The following PHLDB2 variants were observed in gnomAD, a reference collection of about 807,000 sequenced individuals.
PHLDB2 encodes pleckstrin homology like domain family B member 2.
A neutral mutation model predicts 123.6 loss-of-function variants in PHLDB2; 71 were observed. The observed-to-expected ratio is 0.57, with a 90% CI of 0.47 to 0.70. The LOEUF (loss-of-function observed/expected upper bound fraction) is 0.70. Among genes scored for constraint, PHLDB2 ranks in the 30% least tolerant of loss-of-function variants. The pLI is 0.00. For missense variants in PHLDB2, 1,446 were observed against 1,519.5 expected, an observed-to-expected ratio of 0.95 and a Z score of 0.80; for synonymous variants, 547 against 541.6, an observed-to-expected ratio of 1.01 and a Z score of -0.14.
At chr3:111,919,325 C>T (rs747220215) in intron 4 of PHLDB2, 110 bp downstream of exon 4, 4 of 1,117,106 alleles carry the variant, frequency 3.6e-6, no homozygotes, top group Non-Finnish European at 5.3e-6. Context: ...TCAACACAAG[C>T]AAACATTTAT....
chr3:111,937,717 A>C (rs2069587451), intron 6 of PHLDB2, among the ~76,000 whole-genome samples: 1 of 151,882 alleles, frequency 6.6e-6, no homozygotes, highest in African/African-American at 2.4e-5. Flanking sequence ...TCGAGGGTGC[A>C]GTAAGCTGTG....
chr3:111,781,569 G>T (rs1203835249), intron 1 of PHLDB2, among the ~76,000 whole-genome samples: 2 of 152,016 alleles, frequency 1.3e-5, no homozygotes, highest in Admixed American at 6.6e-5. Context: ...AGGATTCTTT[G>T]TTCTACCTTC....
At chr3:111,888,593 T>TA (rs2066307078) in intron 2 of PHLDB2, among the ~76,000 whole-genome samples, 1 of 152,204 alleles carries the variant, frequency 6.6e-6, no homozygotes, top group Admixed American at 6.5e-5. Context: ...CTCAGGAAGT[T>TA]ACACTTGTAA....
At chr3:111,881,022 C>CT (rs1177451423) in intron 1 of PHLDB2, among the ~76,000 whole-genome samples, 4 of 152,128 alleles carry the variant, frequency 2.6e-5, no homozygotes, top group Non-Finnish European at 5.9e-5. Flanking sequence ...TTTCTTGAAT[C>CT]TTATTAGAGT....
At chr3:111,965,581 T>C (rs142618398) in intron 13 of PHLDB2, among the ~76,000 whole-genome samples, 2 of 152,348 alleles carry the variant, frequency 1.3e-5, no homozygotes, top group East Asian at 1.9e-4. Context: ...CTAACAAACA[T>C]GTATCCCTAC....
chr3:111,924,585 C>CAGAAGGAGGAAGTGGCCTTT (rs539139433), intron 5 of PHLDB2, among the ~76,000 whole-genome samples: 211 of 152,370 alleles, frequency 1.4e-3, no homozygotes, highest in Non-Finnish European at 2.6e-3. Context: ...AAGCGTAAGA[C>CAGAAGGAGGAAGTGGCCTTT]AGAAGGAGGA....
chr3:111,802,229 C>G (rs957627258), intron 1 of PHLDB2, among the ~76,000 whole-genome samples: 1 of 152,220 alleles, frequency 6.6e-6, no homozygotes, highest in Non-Finnish European at 1.5e-5. Flanking sequence ...CCATGGAGCA[C>G]TGTGCTTACA....
intron 12 of PHLDB2, among the ~76,000 whole-genome samples, chr3:111,955,041 T>TACAC (rs200702766): frequency 1.3e-5 from 2 of 150,026 alleles, no homozygotes; most frequent in East Asian, 3.9e-4. Context: ...AATATATATA[T>TACAC]ACACACACAC....
At chr3:111,932,247 T>C in intron 5 of PHLDB2, 22 bp from the exon 6 acceptor site, 2 of 1,549,112 alleles carry the variant, frequency 1.3e-6, no homozygotes, top group South Asian at 2.4e-5. Flanking sequence ...TTCTATTCTA[T>C]TTTCTGGTTT....
At chr3:111,848,968 A>G (rs1213413385) in intron 2 of PHLDB2, among the ~76,000 whole-genome samples, 2 of 152,206 alleles carry the variant, frequency 1.3e-5, no homozygotes, top group African/African-American at 4.8e-5. Flanking sequence ...AGTGGACTCT[A>G]TGATGTTTGC....
chr3:111,752,357 G>T (rs2059795147), intron 1 of PHLDB2, among the ~76,000 whole-genome samples: 1 of 151,800 alleles, frequency 6.6e-6, no homozygotes, highest in Admixed American at 6.6e-5. Flanking sequence ...CTTTTTTAAT[G>T]GAATTTGTGA....
rs144798658 is a variant in PHLDB2, at chr3:111,794,844, G to A, written c.-48-50977G>A. Among the ~76,000 whole-genome samples, 413 of 152,266 alleles carry A rather than the reference G, an allele frequency of 2.7e-3. 3 individuals are homozygous for A. Among genetic ancestry groups the A allele is most frequent in the African/African-American group, 9.2e-3 (383 of 41,548 alleles). ...CTGCTCACTTTGGTGTGGTATTGGA[G>A]CTAGCATGCAAAGCAGGGCCTACAG... On this transcript the variant is annotated intron_variant, in intron 1 of 17. Coordinates refer to the PHLDB2 transcript ENST00000393923.
At chr3:111,942,530 C>T (rs969811533) in intron 8 of PHLDB2, among the ~76,000 whole-genome samples, 11 of 152,132 alleles carry the variant, frequency 7.2e-5, no homozygotes, top group East Asian at 1.9e-4. Context: ...GGGAGCATCC[C>T]GCCTTCTTGT....
chr3:111,961,970 C>T, intron 12 of PHLDB2, 138 bp from the exon 13 acceptor site: 1 of 783,090 alleles, frequency 1.3e-6, no homozygotes, highest in Admixed American at 2.8e-5. Context: ...CTTTGATCTT[C>T]TTGGCTTCAA....
At chr3:111,923,044 G>A (rs954530291) in intron 5 of PHLDB2, among the ~76,000 whole-genome samples, 1 of 152,092 alleles carries the variant, frequency 6.6e-6, no homozygotes, top group African/African-American at 2.4e-5. Flanking sequence ...CTACTTTATC[G>A]ATTAACGATA....
Position 111,952,650 on chromosome 3 carries a change from A to G in PHLDB2, c.2710A>G (p.Thr904Ala). The G allele has an allele frequency of 3.1e-6, 5 of 1,614,006 alleles. No homozygotes were observed. The highest frequency in any genetic ancestry group is 4.2e-6 in the Non-Finnish European group (5 of 1,179,934). The change falls in exon 11 of 18, where the codon ACC becomes GCC. Residue 904 changes from threonine to alanine, a missense_variant. Physicochemically the swap from Thr to Ala is moderately conservative, Grantham distance 58. Transcript: ENST00000431670. ...YLSDTLPRKK[T>A]TSSISPHFSS... ...GAGTGATACTTTGCCTCGAAAGAAA[A>G]CCACATCTTCCATCTCCCCACATTT...
intron 1 of PHLDB2, among the ~76,000 whole-genome samples, chr3:111,822,317 G>GTGTATA (rs1553734228): frequency 1.4e-5 from 2 of 147,906 alleles, no homozygotes; most frequent in Admixed American, 6.7e-5. Context: ...GTGTGTGTGT[G>GTGTATA]TATATATATA....
chr3:111,972,044 C>CAA (rs1370869835), intron 16 of PHLDB2, among the ~76,000 whole-genome samples: 1 of 152,186 alleles, frequency 6.6e-6, no homozygotes, highest in African/African-American at 2.4e-5. Context: ...TTATATTTTT[C>CAA]AGAGTTCTTT....
intron 1 of PHLDB2, among the ~76,000 whole-genome samples, chr3:111,841,935 C>T (rs1411276757): frequency 1.3e-5 from 2 of 152,150 alleles, no homozygotes; most frequent in Non-Finnish European, 2.9e-5. Context: ...CAAAGCAAAG[C>T]TTGTGGGAGA....
Sources: allele counts gnomAD v4.1 joint callset (sites outside exome capture counted in the v4.1 genomes callset), GRCh38; gene constraint gnomAD v4.1.1; transcripts MANE v1.5; gene names NCBI Gene and HGNC (gene_info 2026-07-23, HGNC 2026-07-21).